Variants in CC2D2B observed in about 807,000 individuals in gnomAD.
CC2D2B encodes the protein protein CC2D2B.
In CC2D2B, 128 loss-of-function variants were observed where a neutral mutation model predicts 161.2. The observed-to-expected ratio is 0.79, with a 90% CI of 0.69 to 0.92. CC2D2B has a LOEUF of 0.92. Ranked by LOEUF, CC2D2B falls within the 40% of genes least tolerant of loss-of-function variation. CC2D2B has a pLI of 0.00. For synonymous variants in CC2D2B, 391 were observed against 449.8 expected (o/e 0.87, Z 1.65); for missense variants, 1,173 against 1,375.1 (o/e 0.85, Z 2.32).
intron 21 of CC2D2B, among the ~76,000 whole-genome samples, 190 bp from the exon 22 acceptor site, chr10:95,992,337 G>C (rs2077991132): frequency 6.6e-6 from 1 of 152,104 alleles, no homozygotes; most frequent in Admixed American, 6.5e-5. Flanking sequence ...CAACATGAAG[G>C]AACATAGCAT....
intron 32 of CC2D2B, among the ~76,000 whole-genome samples, chr10:96,023,522 T>C (rs944616033): frequency 6.6e-6 from 1 of 152,198 alleles, no homozygotes; most frequent in African/African-American, 2.4e-5. Flanking sequence ...ACCAGGCCTC[T>C]TTTTCAGGCC....
At chr10:96,006,913 T>C (rs1387610155) in intron 25 of CC2D2B, among the ~76,000 whole-genome samples, 1 of 152,174 alleles carries the variant, frequency 6.6e-6, no homozygotes, top group Non-Finnish European at 1.5e-5. Context: ...ACAGTTCCCA[T>C]ACTAATAGAT....
chr10:95,929,047 C>T (rs1214949123), intron 6 of CC2D2B, among the ~76,000 whole-genome samples: 1 of 152,192 alleles, frequency 6.6e-6, no homozygotes, highest in Non-Finnish European at 1.5e-5. Flanking sequence ...TTCTCCCCAT[C>T]CTCTCCAGCA....
At chr10:95,943,980 A>G (rs1181200874) in intron 9 of CC2D2B, among the ~76,000 whole-genome samples, 2 of 152,208 alleles carry the variant, frequency 1.3e-5, no homozygotes, top group Non-Finnish European at 2.9e-5. Context: ...TTCTGTATCT[A>G]TATTTTCCGT....
chr10:95,918,969 A>G (rs1297611437), intron 2 of CC2D2B: 1 of 151,820 alleles, frequency 6.6e-6, no homozygotes, highest in Non-Finnish European at 1.5e-5. Flanking sequence ...ATTCTTTTTA[A>G]TTATTTCTAT....
intron 1 of CC2D2B, among the ~76,000 whole-genome samples, chr10:95,910,243 C>T (rs963748518): frequency 2.0e-5 from 3 of 152,178 alleles, no homozygotes; most frequent in Admixed American, 2.0e-4. Context: ...ATTTAACCGT[C>T]ATGTTGAATG....
intron 1 of CC2D2B, 144 bp from the exon 2 acceptor site, chr10:95,911,157 A>G (rs1236092411): frequency 3.7e-5 from 7 of 187,034 alleles, no homozygotes; most frequent in Non-Finnish European, 7.6e-5. Context: ...GACCAAATAC[A>G]AATATGAAAT....
At chr10:96,028,376 G>A (rs1258024477) in intron 34 of CC2D2B, among the ~76,000 whole-genome samples, 1 of 152,164 alleles carries the variant, frequency 6.6e-6, no homozygotes, top group Non-Finnish European at 1.5e-5. Context: ...ATGAAAAGGT[G>A]CTCAACATCA....
chr10:95,927,526 A>G (rs2098541479), intron 6 of CC2D2B, among the ~76,000 whole-genome samples, 194 bp downstream of exon 6: 1 of 152,156 alleles, frequency 6.6e-6, no homozygotes, highest in South Asian at 2.1e-4. Context: ...CCCAGTGATT[A>G]CTAAGTTTTT....
intron 19 of CC2D2B, among the ~76,000 whole-genome samples, chr10:95,987,211 C>T (rs1301017318): frequency 6.6e-6 from 1 of 151,916 alleles, no homozygotes. Flanking sequence ...GTAATCCCAG[C>T]TACTTGGGAG....
rs146761758 is a variant in CC2D2B at position 95,945,454 on chromosome 10, G to C, written c.802-4442G>C. Among the ~76,000 whole-genome samples the C allele has an allele frequency of 3.7e-3, 566 of 152,268 alleles. 5 individuals carry two copies. Among genetic ancestry groups the C allele is most frequent in the South Asian group, 0.013 (64 of 4,816 alleles). ...CCTCTGCCAGGTACTTTAACAGCTT[G>C]TTGTACCTCTACTATCCCAGGTACC... On this transcript the variant is annotated intron_variant, in intron 9 of 34. Coordinates refer to ENST00000646931, the MANE Select transcript of CC2D2B (RefSeq NM_001349008.3).
chr10:95,925,102 A>G (rs900505723), intron 5 of CC2D2B, among the ~76,000 whole-genome samples: 4 of 152,244 alleles, frequency 2.6e-5, no homozygotes, highest in African/African-American at 9.6e-5. Context: ...AAATATTGTT[A>G]AAAGATAAAC....
intron 29 of CC2D2B, among the ~76,000 whole-genome samples, chr10:96,015,782 G>T (rs567367779): frequency 4.6e-5 from 7 of 152,272 alleles, no homozygotes; most frequent in Admixed American, 2.0e-4. Context: ...TATTGGTACA[G>T]GACAGAATGT....
rs530045200 is a variant in CC2D2B, at chr10:96,024,912, G to A, written c.3947+1G>A. On this transcript the variant is annotated splice_donor_variant, in intron 33 of 34. Coordinates refer to ENST00000646931, the MANE Select transcript of CC2D2B (RefSeq NM_001349008.3). LOFTEE classifies it high-confidence loss of function. Reference sequence around the variant, plus strand: ...GCATGGTAGAAGATCTAAGGAATAGGTACTGTGTTTTCCCCTAATCTCTTG... The same window carrying A: ...GCATGGTAGAAGATCTAAGGAATAGATACTGTGTTTTCCCCTAATCTCTTG... 3.1e-4 allele frequency: 470 copies of A among 1,519,266 alleles called. 3 individuals carry two copies. In the South Asian group the frequency reaches 3.8e-3, roughly 12 times the overall value. The allele number at this position is 1,519,266 out of a possible 1,614,324, so 94.1% of individuals were successfully genotyped here.
chr10:95,929,709 T>C (rs2098546277), intron 6 of CC2D2B, among the ~76,000 whole-genome samples: 1 of 152,202 alleles, frequency 6.6e-6, no homozygotes, highest in African/African-American at 2.4e-5. Flanking sequence ...TGGTTGTAGA[T>C]GTGTAGCATT....
At chr10:96,022,548 C>T (rs1341917474) in intron 32 of CC2D2B, 1 of 152,200 alleles carries the variant, frequency 6.6e-6, no homozygotes, top group Non-Finnish European at 1.5e-5. Flanking sequence ...CCATACCTTG[C>T]TTTGCCCATC....
intron 17 of CC2D2B, among the ~76,000 whole-genome samples, chr10:95,977,652 T>G (rs2077367127): frequency 6.6e-6 from 1 of 152,270 alleles, no homozygotes; most frequent in Non-Finnish European, 1.5e-5. Context: ...TTCTTTAGCC[T>G]TTCTAGATCT....
chr10:96,001,892 T>C (rs2078514316), intron 24 of CC2D2B, among the ~76,000 whole-genome samples: 1 of 152,228 alleles, frequency 6.6e-6, no homozygotes, highest in African/African-American at 2.4e-5. Context: ...TTTCTTGAAC[T>C]ATTTATTCTT....
chr10:95,950,176 A>C (rs1256659095), intron 10 of CC2D2B, 71 bp downstream of exon 10: 2 of 397,688 alleles, frequency 5.0e-6, no homozygotes, highest in Non-Finnish European at 8.9e-6. Context: ...TGCAGAGCAA[A>C]TTATCAGAAC....
Sources: gnomAD v4.1 joint callset for allele counts (sites outside exome capture counted in the v4.1 genomes callset) on GRCh38, gnomAD v4.1.1 for gene constraint, MANE v1.5 for transcripts, NCBI Gene and HGNC (gene_info 2026-07-23, HGNC 2026-07-21) for gene names.